GPC6: variants seen among roughly 807,000 people sequenced by gnomAD.
GPC6 encodes glypican 6, also known as glypican-6.
In GPC6, 14 loss-of-function variants were observed where a neutral mutation model predicts 55.2. The observed-to-expected ratio is 0.25, with a 90% CI of 0.17 to 0.40. The LOEUF (loss-of-function observed/expected upper bound fraction) is 0.40. Among genes scored for constraint, GPC6 ranks in the 10% least tolerant of loss-of-function variants. GPC6 has a pLI of 1.00. For missense variants in GPC6, 641 were observed against 708.5 expected (o/e 0.90, Z 1.08); for synonymous variants, 278 against 259.6 (o/e 1.07, Z -0.68).
chr13:94,345,261 C>T (rs1878230588), intron 6 of GPC6, among the ~76,000 whole-genome samples: 1 of 152,110 alleles, frequency 6.6e-6, no homozygotes. Context: ...TAACCTGACA[C>T]CAAGTTTTAT....
chr13:93,392,782 A>T (rs17188928), intron 1 of GPC6, among the ~76,000 whole-genome samples: 9,124 of 152,188 alleles, frequency 0.06, 340 homozygotes, highest in African/African-American at 0.086. Flanking sequence ...TTTTACATGA[A>T]GTACTATGGT....
intron 6 of GPC6, among the ~76,000 whole-genome samples, chr13:94,338,285 A>C (rs1877824605): frequency 6.6e-6 from 1 of 152,150 alleles, no homozygotes; most frequent in Non-Finnish European, 1.5e-5. Flanking sequence ...TGACACCAGA[A>C]AGTTTGGGGG....
At chr13:93,919,746 G>A (rs986279047) in intron 3 of GPC6, among the ~76,000 whole-genome samples, 9 of 152,118 alleles carry the variant, frequency 5.9e-5, no homozygotes, top group African/African-American at 2.2e-4. Flanking sequence ...TAACTTTGCT[G>A]CACTTGTTCC....
At chr13:93,275,594 C>T (rs1877706001) in intron 1 of GPC6, among the ~76,000 whole-genome samples, 1 of 152,140 alleles carries the variant, frequency 6.6e-6, no homozygotes, top group Admixed American at 6.5e-5. Context: ...GCTTTGGTAT[C>T]ATCTGAGGCC....
chr13:93,930,256 AG>A (rs1285721852), intron 3 of GPC6, among the ~76,000 whole-genome samples: 1 of 139,482 alleles, frequency 7.2e-6, no homozygotes, highest in Non-Finnish European at 1.5e-5. Flanking sequence ...AGGTTTTTAA[AG>A]GTTATTGGAA....
intron 1 of GPC6, among the ~76,000 whole-genome samples, chr13:93,441,992 C>A (rs954568673): frequency 6.6e-6 from 1 of 152,084 alleles, no homozygotes; most frequent in Non-Finnish European, 1.5e-5. Context: ...TGGTTCTCTG[C>A]TGGATAGAAC....
At chr13:93,543,717 T>G (rs1448293305) in intron 1 of GPC6, among the ~76,000 whole-genome samples, 5 of 150,964 alleles carry the variant, frequency 3.3e-5, no homozygotes, top group Non-Finnish European at 7.4e-5. Context: ...TTTAACTGTT[T>G]GTTTGTTTTT....
chr13:93,610,192 C>A (rs373756298), intron 2 of GPC6, among the ~76,000 whole-genome samples: 1 of 152,268 alleles, frequency 6.6e-6, no homozygotes, highest in South Asian at 2.1e-4. Context: ...ACGGAAAAAA[C>A]TTCGTAAGTT....
intron 1 of GPC6, among the ~76,000 whole-genome samples, chr13:93,264,202 T>C (rs572251531): frequency 3.3e-5 from 5 of 152,138 alleles, no homozygotes; most frequent in African/African-American, 1.2e-4. Flanking sequence ...CTGCAGAAAA[T>C]AGCTGTGGTA....
chr13:93,358,124 A>G (rs773206694), intron 1 of GPC6, among the ~76,000 whole-genome samples: 35 of 152,166 alleles, frequency 2.3e-4, no homozygotes, highest in Admixed American at 3.3e-4. Context: ...AGGCGGGAAG[A>G]TCACTTCCAT....
At chr13:94,070,096 T>A (rs1884670556) in intron 4 of GPC6, among the ~76,000 whole-genome samples, 1 of 152,180 alleles carries the variant, frequency 6.6e-6, no homozygotes. Flanking sequence ...CACTTATAGT[T>A]CCACATGGCT....
At chr13:93,762,054 G>A (rs1294403282) in intron 2 of GPC6, among the ~76,000 whole-genome samples, 2 of 152,102 alleles carry the variant, frequency 1.3e-5, no homozygotes, top group East Asian at 3.9e-4. Flanking sequence ...GTCAGCCTCT[G>A]GTAATCACTG....
intron 1 of GPC6, among the ~76,000 whole-genome samples, chr13:93,501,080 C>T (rs1269262522): frequency 6.6e-5 from 10 of 152,060 alleles, no homozygotes; most frequent in Admixed American, 6.6e-4. Flanking sequence ...AATTTTCCAC[C>T]TGCAGTCAGT....
chr13:93,721,893 A>T (rs1883468150), intron 2 of GPC6, among the ~76,000 whole-genome samples: 1 of 151,748 alleles, frequency 6.6e-6, no homozygotes, highest in Admixed American at 6.6e-5. Context: ...CAAAACACCG[A>T]TGGAAAGGGT....
chr13:94,202,438 A>C (rs529279570), intron 4 of GPC6, among the ~76,000 whole-genome samples: 1 of 152,204 alleles, frequency 6.6e-6, no homozygotes, highest in Non-Finnish European at 1.5e-5. Flanking sequence ...CATGTCCTAC[A>C]TGGTGGCAGA....
At chr13:93,867,280 A>G (rs1888994588) in intron 3 of GPC6, among the ~76,000 whole-genome samples, 1 of 151,758 alleles carries the variant, frequency 6.6e-6, no homozygotes, top group Admixed American at 6.6e-5. Flanking sequence ...TTGGTTTAAT[A>G]AACTCTGTTT....
intron 1 of GPC6, among the ~76,000 whole-genome samples, chr13:93,456,320 C>A (rs1350692033): frequency 1.3e-5 from 2 of 151,692 alleles, no homozygotes; most frequent in African/African-American, 2.4e-5. Flanking sequence ...AAGTTGTGGA[C>A]ACTTTAATTT....
At chr13:93,500,605 C>T (rs1301546415) in intron 1 of GPC6, among the ~76,000 whole-genome samples, 1 of 152,108 alleles carries the variant, frequency 6.6e-6, no homozygotes. Context: ...AACATTAACT[C>T]GTATGTTTTA....
At chr13:93,764,243 A>G (rs1885041230) in intron 2 of GPC6, among the ~76,000 whole-genome samples, 1 of 152,220 alleles carries the variant, frequency 6.6e-6, no homozygotes, top group Non-Finnish European at 1.5e-5. Flanking sequence ...GAATAAACAA[A>G]TCAGACTCCT....
Sources: gnomAD v4.1 joint callset for allele counts (sites outside exome capture counted in the v4.1 genomes callset) on GRCh38, gnomAD v4.1.1 for gene constraint, MANE v1.5 for transcripts, NCBI Gene and HGNC (gene_info 2026-07-23, HGNC 2026-07-21) for gene names.